The following CADPS2 variants were observed in gnomAD, a reference collection of about 807,000 sequenced individuals.
CADPS2 encodes the protein calcium-dependent secretion activator 2.
Under a neutral mutation model 172.5 loss-of-function variants are expected in CADPS2, and 93 were observed. The ratio of observed to expected loss-of-function variants is 0.54; its 90% CI spans 0.46 to 0.64. CADPS2 has a LOEUF of 0.64. Ranked by LOEUF, CADPS2 falls within the 30% of genes least tolerant of loss-of-function variation. The pLI is 0.00. For missense variants in CADPS2, 1,420 were observed against 1,565.9 expected, an observed-to-expected ratio of 0.91 and a Z score of 1.57; for synonymous variants, 546 against 555.2, an observed-to-expected ratio of 0.98 and a Z score of 0.23.
At chr7:122,645,059 G>A (rs2078153944) in intron 3 of CADPS2, among the ~76,000 whole-genome samples, 1 of 151,654 alleles carries the variant, frequency 6.6e-6, no homozygotes, top group Non-Finnish European at 1.5e-5. Flanking sequence ...TACCCTATGT[G>A]AACTGAACTA....
At chr7:122,866,884 T>A (rs1267792085) in intron 1 of CADPS2, among the ~76,000 whole-genome samples, 1 of 152,186 alleles carries the variant, frequency 6.6e-6, no homozygotes, top group Non-Finnish European at 1.5e-5. Flanking sequence ...AAAATTCATA[T>A]AAGCTAGCCT....
intron 3 of CADPS2, among the ~76,000 whole-genome samples, chr7:122,642,294 AAGG>A (rs1015394181): frequency 6.6e-6 from 1 of 151,416 alleles, no homozygotes; most frequent in African/African-American, 2.4e-5. Context: ...AAAAAAAAAA[AAGG>A]AGAAATTAAT....
chr7:122,839,036 A>C (rs1809512056), intron 1 of CADPS2, among the ~76,000 whole-genome samples: 1 of 152,198 alleles, frequency 6.6e-6, no homozygotes, highest in Non-Finnish European at 1.5e-5. Flanking sequence ...CCATACTACA[A>C]GGCTACAGTC....
chr7:122,742,228 T>TA (rs544837802), intron 1 of CADPS2, among the ~76,000 whole-genome samples: 4,081 of 150,124 alleles, frequency 0.027, 91 homozygotes, highest in Non-Finnish European at 0.038. Context: ...CCGTCTCTAC[T>TA]AAAAAAAAAT....
intron 7 of CADPS2, among the ~76,000 whole-genome samples, chr7:122,569,988 T>C (rs2067001934): frequency 6.7e-6 from 1 of 149,762 alleles, no homozygotes; most frequent in South Asian, 2.1e-4. Context: ...ACTTCATGTC[T>C]AAAACACCAA....
At chr7:122,578,648 G>A (rs2068373396) in intron 7 of CADPS2, among the ~76,000 whole-genome samples, 1 of 151,990 alleles carries the variant, frequency 6.6e-6, no homozygotes, top group Non-Finnish European at 1.5e-5. Context: ...ACTATAATGA[G>A]GAGTCTGATT....
chr7:122,792,776 C>A (rs1795555143), intron 1 of CADPS2, among the ~76,000 whole-genome samples: 1 of 152,096 alleles, frequency 6.6e-6, no homozygotes, highest in Non-Finnish European at 1.5e-5. Context: ...AAGAAAGGTA[C>A]ACTGCTCACC....
intron 16 of CADPS2, among the ~76,000 whole-genome samples, chr7:122,441,265 T>A (rs1054785208): frequency 6.6e-6 from 1 of 151,866 alleles, no homozygotes; most frequent in South Asian, 2.1e-4. Context: ...GTAGGAAAAA[T>A]GATTACTACC....
At chr7:122,367,239 T>A (rs1317034534) in intron 25 of CADPS2, among the ~76,000 whole-genome samples, 1 of 152,154 alleles carries the variant, frequency 6.6e-6, no homozygotes, top group East Asian at 1.9e-4. Flanking sequence ...CTTCTATCTA[T>A]CCTATTCTTA....
chr7:122,418,812 C>G (rs35090045), intron 17 of CADPS2, among the ~76,000 whole-genome samples: 6,239 of 152,032 alleles, frequency 0.041, 232 homozygotes, highest in Non-Finnish European at 0.057. Context: ...ATGGACCATC[C>G]CATATATTTT....
At chr7:122,423,773 C>T (rs529622596) in intron 17 of CADPS2, among the ~76,000 whole-genome samples, 13 of 152,282 alleles carry the variant, frequency 8.5e-5, no homozygotes, top group African/African-American at 1.2e-4. Flanking sequence ...GGCATCATTC[C>T]GAATTTCTGA....
chr7:122,558,585 G>C (rs1199403336), intron 7 of CADPS2, among the ~76,000 whole-genome samples: 1 of 151,860 alleles, frequency 6.6e-6, no homozygotes, highest in East Asian at 1.9e-4. Flanking sequence ...TCTTTGCTAA[G>C]GTGTAATGGA....
intron 5 of CADPS2, among the ~76,000 whole-genome samples, chr7:122,617,391 C>A (rs2075045081): frequency 6.6e-6 from 1 of 152,112 alleles, no homozygotes. Flanking sequence ...TTCCATGGAC[C>A]ATCAGCTAAT....
chr7:122,646,443 A>C (rs2078566664), intron 3 of CADPS2, among the ~76,000 whole-genome samples: 1 of 152,194 alleles, frequency 6.6e-6, no homozygotes, highest in South Asian at 2.1e-4. Context: ...CAGTATAACA[A>C]AAGTGAACAG....
chr7:122,686,748 A>T (rs2083682655), intron 2 of CADPS2, among the ~76,000 whole-genome samples: 1 of 137,070 alleles, frequency 7.3e-6, no homozygotes, highest in Admixed American at 7.1e-5. Context: ...GCAGTGGCAC[A>T]ATCTCGGCTC....
intron 1 of CADPS2, among the ~76,000 whole-genome samples, chr7:122,766,081 A>C (rs1033552762): frequency 1.3e-5 from 2 of 152,132 alleles, no homozygotes; most frequent in African/African-American, 4.8e-5. Flanking sequence ...AACTCATGGT[A>C]GGGAAACGGA....
At chr7:122,592,922 G>A (rs2133252375) in intron 6 of CADPS2, among the ~76,000 whole-genome samples, 1 of 151,794 alleles carries the variant, frequency 6.6e-6, no homozygotes. Context: ...CACCAACATG[G>A]CACATGTATA....
At position 122,823,389 on chromosome 7, in the gene CADPS2, A is replaced by G. The variant is rs181101753; in HGVS notation, c.339+62610T>C. On this transcript the variant is annotated intron_variant, in intron 1 of 29. Coordinates refer to ENST00000449022, the MANE Select transcript of CADPS2 (RefSeq NM_017954.11). Reference sequence around the variant, plus strand: ...GCATAATATGTATACAGTGTTTAACATAAGTGAATCTCTCTCCTGCTCCCC... The same window carrying G: ...GCATAATATGTATACAGTGTTTAACGTAAGTGAATCTCTCTCCTGCTCCCC... Among the ~76,000 whole-genome samples, 10 of 152,326 alleles carry G rather than the reference A, an allele frequency of 6.6e-5. 1 individual carries two copies. The highest frequency in any genetic ancestry group is 2.1e-4 in the South Asian group (1 of 4,830).
chr7:122,693,859 G>A (rs1474010772), intron 2 of CADPS2, among the ~76,000 whole-genome samples: 1 of 152,198 alleles, frequency 6.6e-6, no homozygotes, highest in Admixed American at 6.5e-5. Context: ...AGCTACTTGG[G>A]AGGCTGAGGA....
Sources: gnomAD v4.1 joint callset for allele counts (sites outside exome capture counted in the v4.1 genomes callset) on GRCh38, gnomAD v4.1.1 for gene constraint, MANE v1.5 for transcripts, NCBI Gene and HGNC (gene_info 2026-07-23, HGNC 2026-07-21) for gene names.